Variants in HNF4G observed in about 807,000 individuals in gnomAD.
The protein encoded by HNF4G is hepatocyte nuclear factor 4-gamma.
A neutral mutation model predicts 50.9 loss-of-function variants in HNF4G; 21 were observed. The ratio of observed to expected loss-of-function variants is 0.41; its 90% CI spans 0.29 to 0.59. HNF4G has a LOEUF of 0.59. HNF4G is among the 20% of genes least tolerant of loss of function. The pLI, the probability that HNF4G is intolerant of heterozygous loss-of-function variation, is 0.26. For synonymous variants in HNF4G, 198 were observed against 185.6 expected (o/e 1.07, Z -0.54); for missense variants, 527 against 559.4 (o/e 0.94, Z 0.58).
chr8:75,541,215 C>T (rs1050567357), intron 1 of HNF4G, among the ~76,000 whole-genome samples: 3 of 152,040 alleles, frequency 2.0e-5, no homozygotes, highest in Non-Finnish European at 4.4e-5. Context: ...AATCATAACA[C>T]TTATTTACTA....
intron 1 of HNF4G, among the ~76,000 whole-genome samples, chr8:75,462,261 A>C (rs1201980274): frequency 6.6e-6 from 1 of 152,216 alleles, no homozygotes; most frequent in Non-Finnish European, 1.5e-5. Flanking sequence ...AGGCATATCC[A>C]AATTGTCAGT....
intron 1 of HNF4G, among the ~76,000 whole-genome samples, chr8:75,477,939 C>T (rs1017021927): frequency 6.6e-6 from 1 of 151,824 alleles, no homozygotes; most frequent in African/African-American, 2.4e-5. Flanking sequence ...TGCACTCCAG[C>T]TTGGGCAACA....
intron 1 of HNF4G, among the ~76,000 whole-genome samples, chr8:75,430,496 GAGAGA>G (rs1563503222): frequency 1.4e-5 from 2 of 146,178 alleles, no homozygotes; most frequent in African/African-American, 5.3e-5. Flanking sequence ...GAGAGAGAGA[GAGAGA>G]GGGAGAGAGA....
intron 1 of HNF4G, among the ~76,000 whole-genome samples, chr8:75,457,262 C>A (rs920439569): frequency 2.0e-5 from 3 of 151,610 alleles, no homozygotes; most frequent in Admixed American, 6.6e-5. Context: ...TTACATACCA[C>A]ATAATCTAAA....
chr8:75,517,059 C>T (rs1421119466), intron 2 of HNF4G, among the ~76,000 whole-genome samples: 2 of 152,086 alleles, frequency 1.3e-5, no homozygotes, highest in African/African-American at 4.8e-5. Flanking sequence ...TGGTGTCAGG[C>T]AAGAGAGCAT....
chr8:75,547,485 C>G, intron 2 of HNF4G, 102 bp from the exon 3 acceptor site: 1 of 839,774 alleles, frequency 1.2e-6, no homozygotes, highest in East Asian at 2.5e-5. Context: ...TTCTTTTTAT[C>G]GAACCGAATT....
At chr8:75,457,182 G>A (rs1467305824) in intron 1 of HNF4G, among the ~76,000 whole-genome samples, 1 of 152,150 alleles carries the variant, frequency 6.6e-6, no homozygotes, top group Non-Finnish European at 1.5e-5. Flanking sequence ...CTTTATTATA[G>A]CTGTAGACTT....
At chr8:75,528,079 C>T (rs1806228956) in intron 2 of HNF4G, among the ~76,000 whole-genome samples, 2 of 152,084 alleles carry the variant, frequency 1.3e-5, no homozygotes, top group Admixed American at 1.3e-4. Flanking sequence ...TTGCAATTTC[C>T]TTGTCTCATT....
chr8:75,537,113 T>G (rs962516556), upstream of HNF4G, among the ~76,000 whole-genome samples: 2 of 152,222 alleles, frequency 1.3e-5, no homozygotes, highest in Admixed American at 6.5e-5. Flanking sequence ...TTTTATGCAC[T>G]TATCAAGAGT....
intron 2 of HNF4G, among the ~76,000 whole-genome samples, chr8:75,512,707 G>A (rs113210355): frequency 9.9e-5 from 15 of 151,760 alleles, no homozygotes; most frequent in African/African-American, 2.7e-4. Context: ...CTCGAGATCC[G>A]CCCGCCTCCA....
rs113115130 is a variant in HNF4G, at chr8:75,448,444, A to AAT, written c.-144+40282_-144+40283insAT. On this transcript the variant is annotated intron_variant, in intron 1 of 10. Coordinates refer to the HNF4G transcript ENST00000354370. ...TAAAGTATAAAAAAAAAAAAAAAAA[A>AAT]GTGTCAGACATGATACAAGATGATT... Among the ~76,000 whole-genome samples, 153 of 121,342 alleles carry AAT rather than the reference A, an allele frequency of 1.3e-3. 3 individuals carry two copies. In the South Asian group the frequency reaches 0.014, roughly 11 times the overall value. 79.6% of individuals were successfully genotyped at this position (121,342 alleles called of 152,430 possible). A position where few individuals can be genotyped will look rare whatever the true frequency, so the allele number is the denominator to read the frequency against.
At chr8:75,473,474 T>C (rs1357426835) in intron 1 of HNF4G, among the ~76,000 whole-genome samples, 1 of 152,178 alleles carries the variant, frequency 6.6e-6, no homozygotes, top group Non-Finnish European at 1.5e-5. Context: ...ACAAAGGAAA[T>C]ACTAAAGTTT....
chr8:75,416,349 A>T (rs1198422452), intron 1 of HNF4G, among the ~76,000 whole-genome samples: 1 of 152,068 alleles, frequency 6.6e-6, no homozygotes. Flanking sequence ...TGCTGAATAG[A>T]CTCATGATTT....
chr8:75,530,322 T>A (rs1806295348), intron 2 of HNF4G, among the ~76,000 whole-genome samples: 1 of 152,096 alleles, frequency 6.6e-6, no homozygotes, highest in Admixed American at 6.6e-5. Flanking sequence ...TTAGCTGTTC[T>A]AGCACCTGCC....
At chr8:75,545,873 T>A (rs1806763653) in intron 2 of HNF4G, among the ~76,000 whole-genome samples, 1 of 152,124 alleles carries the variant, frequency 6.6e-6, no homozygotes, top group Non-Finnish European at 1.5e-5. Flanking sequence ...GTTATTAATT[T>A]AATGTTAATT....
chr8:75,417,922 A>T (rs1810680791), intron 1 of HNF4G, among the ~76,000 whole-genome samples: 1 of 152,048 alleles, frequency 6.6e-6, no homozygotes, highest in South Asian at 2.1e-4. Flanking sequence ...TGCACGATAA[A>T]TTTTGAATAC....
At position 75,466,570 on chromosome 8, in the gene HNF4G, C is replaced by CTCCT. The variant is rs542246055; in HGVS notation, c.-143-23456_-143-23453dup. On this transcript the variant is annotated intron_variant, in intron 1 of 10. Transcript: ENST00000354370. ...CTCCTTCTTCTCTTCTCTTTTCTCG[C>CTCCT]TCCTTCCTTCCTTCCTTCCTTCCTT... 4.2e-3 allele frequency among the ~76,000 whole-genome samples: 274 copies of CTCCT among 64,874 alleles called. 16 individuals are homozygous for CTCCT. The highest frequency in any genetic ancestry group is 0.013 in the Admixed American group (64 of 4,754). 42.6% of individuals were successfully genotyped at this position (64,874 alleles called of 152,430 possible). A position where few individuals can be genotyped will look rare whatever the true frequency, so the allele number is the denominator to read the frequency against.
In HNF4G at chr8:75,523,978, T is replaced by C. The variant is rs184582246; in HGVS notation, c.-23-19833T>C. On this transcript the variant is annotated intron_variant, in intron 2 of 10. Coordinates refer to the HNF4G transcript ENST00000354370. ...CCTTTTAATTTTAATTAAAAATTAA[T>C]CTGCTGTGAGATTATATCTCAAGGA... Among the ~76,000 whole-genome samples, 268 of 151,670 alleles carry C rather than the reference T, an allele frequency of 1.8e-3. 3 individuals are homozygous for C. The highest frequency in any genetic ancestry group is 1.8e-3 in the Non-Finnish European group (125 of 67,842).
intron 2 of HNF4G, among the ~76,000 whole-genome samples, chr8:75,532,535 C>T (rs16939085): frequency 0.012 from 1,854 of 152,046 alleles, 31 homozygotes; most frequent in African/African-American, 0.042. Flanking sequence ...AATCATGCTT[C>T]CCAAACATTA....
Sources: gnomAD v4.1 joint callset for allele counts (sites outside exome capture counted in the v4.1 genomes callset) on GRCh38, gnomAD v4.1.1 for gene constraint, MANE v1.5 for transcripts, NCBI Gene and HGNC (gene_info 2026-07-23, HGNC 2026-07-21) for gene names.